The following GPR137B variants were observed in gnomAD, a reference collection of about 807,000 sequenced individuals.
GPR137B encodes the protein G protein-coupled receptor 137B, also known as integral membrane protein GPR137B.
In GPR137B, 42 loss-of-function variants were observed where a neutral mutation model predicts 42.5. The ratio of observed to expected loss-of-function variants is 0.99; its 90% confidence interval spans 0.77 to 1.28. The LOEUF (loss-of-function observed/expected upper bound fraction) is 1.28, where lower values mean the gene tolerates loss of function less well. Among genes scored for constraint, GPR137B ranks in the 50% most tolerant of loss-of-function variants. The pLI, the probability that GPR137B is intolerant of heterozygous loss-of-function variation, is 0.00. For missense variants in GPR137B, 487 were observed against 493.9 expected, an observed-to-expected ratio of 0.99 and a Z score of 0.13; for synonymous variants, 218 against 209.7, an observed-to-expected ratio of 1.04 and a Z score of -0.34.
chr1:236,165,509 A>G (rs1662325193), intron 1 of GPR137B, among the ~76,000 whole-genome samples: 1 of 152,072 alleles, frequency 6.6e-6, no homozygotes, highest in Admixed American at 6.5e-5. Context: ...GCATTGCTTG[A>G]TCTGTGTTCA....
At chr1:236,158,597 C>T (rs945823559) in intron 1 of GPR137B, among the ~76,000 whole-genome samples, 2 of 152,182 alleles carry the variant, frequency 1.3e-5, no homozygotes, top group Admixed American at 6.5e-5. Context: ...TGCATACATA[C>T]GTTTTGAACC....
intron 3 of GPR137B, 64 bp downstream of exon 3, chr1:236,178,700 G>A: frequency 9.8e-7 from 1 of 1,024,168 alleles, no homozygotes; most frequent in Non-Finnish European, 1.5e-6. Context: ...TTCCTGGTTT[G>A]CAAAAGTACA....
At chr1:236,162,369 A>G (rs1662227153) in intron 1 of GPR137B, among the ~76,000 whole-genome samples, 1 of 152,216 alleles carries the variant, frequency 6.6e-6, no homozygotes, top group African/African-American at 2.4e-5. Context: ...AAATTCAGAA[A>G]ATTTGCAGCC....
chr1:236,145,255 C>T (rs1161691380), intron 1 of GPR137B, among the ~76,000 whole-genome samples: 1 of 152,182 alleles, frequency 6.6e-6, no homozygotes, highest in Non-Finnish European at 1.5e-5. Context: ...CTCCTCCTCT[C>T]CCGCTCACCC....
At chr1:236,163,764 A>G (rs887365801) in intron 1 of GPR137B, among the ~76,000 whole-genome samples, 1 of 152,132 alleles carries the variant, frequency 6.6e-6, no homozygotes, top group Admixed American at 6.6e-5. Context: ...TGTAAGTCCA[A>G]TTAAACTTCT....
chr1:236,157,164 A>G (rs1161945395), intron 1 of GPR137B, among the ~76,000 whole-genome samples: 2 of 152,000 alleles, frequency 1.3e-5, no homozygotes, highest in East Asian at 1.9e-4. Flanking sequence ...TTCCAAGGCC[A>G]CACAGCTGAT....
intron 5 of GPR137B, among the ~76,000 whole-genome samples, chr1:236,185,120 G>C (rs79009313): frequency 0.014 from 2,081 of 152,162 alleles, 56 homozygotes; most frequent in African/African-American, 0.046. Context: ...GGCATCATAA[G>C]GTTTTGAGAA....
intron 2 of GPR137B, 82 bp downstream of exon 2, chr1:236,168,837 A>T: frequency 9.7e-7 from 1 of 1,030,854 alleles, no homozygotes; most frequent in East Asian, 2.4e-5. Flanking sequence ...TGGGGTTTGC[A>T]CACATCGCTG....
chr1:236,189,644 C>T (rs1345756402), intron 5 of GPR137B, among the ~76,000 whole-genome samples: 1 of 152,158 alleles, frequency 6.6e-6, no homozygotes, highest in East Asian at 1.9e-4. Context: ...GTTTCTTAAT[C>T]CTGAGTTCTA....
Position 236,171,065 on chromosome 1 carries a change from T to TGAAAC in GPR137B, c.464+2310_464+2311insGAAAC, listed in dbSNP as rs1662522734. Reference sequence around the variant, plus strand: ...ACACAAATCTAACACGAAATGTATTTATGTTTCAGATACACCTTATACACA... The same window carrying TGAAAC: ...ACACAAATCTAACACGAAATGTATTTGAAACATGTTTCAGATACACCTTATACACA... On this transcript the variant is annotated intron_variant, in intron 2 of 6. Transcript: ENST00000366592. The surrounding 1 kb of genome is among the most constrained non-coding windows in gnomAD (Gnocchi z 4.4). Among the ~76,000 whole-genome samples the TGAAAC allele has an allele frequency of 6.6e-6, 1 of 152,276 alleles. No homozygotes were observed. The highest frequency in any genetic ancestry group is 1.5e-5 in the Non-Finnish European group (1 of 68,010).
chr1:236,159,515 A>G (rs1276246436), intron 1 of GPR137B, among the ~76,000 whole-genome samples: 1 of 152,012 alleles, frequency 6.6e-6, no homozygotes, highest in Non-Finnish European at 1.5e-5. Flanking sequence ...ATTTGTAGAA[A>G]TACAAAAATG....
At chr1:236,162,457 A>G (rs957148534) in intron 1 of GPR137B, among the ~76,000 whole-genome samples, 2 of 152,262 alleles carry the variant, frequency 1.3e-5, no homozygotes, top group Non-Finnish European at 2.9e-5. Context: ...ATAAGTAGCA[A>G]AGAGCCTAAC....
At chr1:236,196,909 G>T (rs1044130598) in intron 5 of GPR137B, among the ~76,000 whole-genome samples, 3 of 152,134 alleles carry the variant, frequency 2.0e-5, no homozygotes, top group Non-Finnish European at 4.4e-5. Context: ...ACTGTGGATT[G>T]TGTGGCTATA....
At chr1:236,186,463 T>C (rs1248924467) in intron 5 of GPR137B, among the ~76,000 whole-genome samples, 1 of 146,834 alleles carries the variant, frequency 6.8e-6, no homozygotes, top group Non-Finnish European at 1.5e-5. Context: ...CATGAGGTAT[T>C]TCTCCTAATG....
chr1:236,192,892 TTTTG>T (rs767961786), intron 5 of GPR137B, among the ~76,000 whole-genome samples: 29 of 124,156 alleles, frequency 2.3e-4, no homozygotes, highest in Admixed American at 5.5e-4. Flanking sequence ...TTCAAGCTTT[TTTTG>T]TTTGTTTGTT....
intron 1 of GPR137B, among the ~76,000 whole-genome samples, chr1:236,147,737 G>A (rs1661721497): frequency 6.6e-6 from 1 of 152,164 alleles, no homozygotes; most frequent in Non-Finnish European, 1.5e-5. Flanking sequence ...ATCTGCCCGG[G>A]CCCCCTTCCT....
At chr1:236,160,826 G>A (rs1162246799) in intron 1 of GPR137B, among the ~76,000 whole-genome samples, 1 of 151,902 alleles carries the variant, frequency 6.6e-6, no homozygotes, top group South Asian at 2.1e-4. Context: ...CCTGCCCGGG[G>A]CCTCTCTCCC....
At chr1:236,173,914 AT>A (rs1290270901) in intron 2 of GPR137B, among the ~76,000 whole-genome samples, 1 of 147,016 alleles carries the variant, frequency 6.8e-6, no homozygotes, top group Non-Finnish European at 1.5e-5. Flanking sequence ...TATAAAAGTG[AT>A]AACAAGGATA....
intron 4 of GPR137B, among the ~76,000 whole-genome samples, chr1:236,181,214 G>A (rs546951553): frequency 7.9e-5 from 12 of 152,218 alleles, no homozygotes; most frequent in East Asian, 3.9e-4. Context: ...TTCTATAAAT[G>A]TATAAGTTAC....
Sources: allele counts gnomAD v4.1 joint callset (sites outside exome capture counted in the v4.1 genomes callset), GRCh38; gene constraint gnomAD v4.1.1; non-coding constraint Gnocchi (gnomAD v3.1); transcripts MANE v1.5; gene names NCBI Gene and HGNC (gene_info 2026-07-23, HGNC 2026-07-21).